The following ABTB2 variants were observed in gnomAD, a reference collection of about 807,000 sequenced individuals.
ABTB2 encodes the protein ankyrin repeat and BTB domain containing 2.
In ABTB2, 56 loss-of-function variants were observed where a neutral mutation model predicts 104.1. The observed-to-expected ratio is 0.54, with a 90% CI of 0.43 to 0.67. The LOEUF (loss-of-function observed/expected upper bound fraction) is 0.67. ABTB2 is among the 30% of genes least tolerant of loss of function. The pLI is 0.00. For missense variants in ABTB2, 1,279 were observed against 1,407.7 expected, an observed-to-expected ratio of 0.91 and a Z score of 1.46; for synonymous variants, 606 against 608.2, an observed-to-expected ratio of 1.00 and a Z score of 0.05.
chr11:34,354,404 G>A (rs1049940321), intron 1 of ABTB2, among the ~76,000 whole-genome samples: 2 of 151,294 alleles, frequency 1.3e-5, no homozygotes, highest in African/African-American at 4.9e-5. Flanking sequence ...CAGGAGGACT[G>A]CTGGAGCCCA....
intron 3 of ABTB2, among the ~76,000 whole-genome samples, chr11:34,193,269 C>G (rs1190583217): frequency 6.6e-6 from 1 of 152,222 alleles, no homozygotes; most frequent in Non-Finnish European, 1.5e-5. Context: ...TTAGACTCTG[C>G]CTTGTGCCTG....
rs559023695 is a variant in ABTB2 at position 34,277,192 on chromosome 11, G to A, written c.884-72502C>T. Among the ~76,000 whole-genome samples, 103 of 152,276 alleles carry A rather than the reference G, an allele frequency of 6.8e-4. No individual in the cohort carries two copies. The South Asian group carries it at 0.015, about 22-fold the overall frequency. On this transcript the variant is annotated intron_variant, in intron 1 of 16. Transcript: ENST00000435224. The stretch of plus-strand genomic sequence containing the variant: ...GCTGGGATTACAGGCGTAAGCCACC[G>A]TGCCCAGCCAGAAGTATGTATTTAA...
At chr11:34,221,251 G>A (rs904464507) in intron 1 of ABTB2, among the ~76,000 whole-genome samples, 5 of 152,112 alleles carry the variant, frequency 3.3e-5, no homozygotes, top group South Asian at 2.1e-4. Flanking sequence ...GATTATAGGC[G>A]TGAGCCACCA....
chr11:34,308,868 C>CAAAAAAAAAAAAAAAAAAAAAAAAAAAAA (rs57658114), intron 1 of ABTB2, among the ~76,000 whole-genome samples: 11 of 77,780 alleles, frequency 1.4e-4, no homozygotes, highest in East Asian at 7.4e-4. Context: ...GAAACTGTCT[C>CAAAAAAAAAAAAAAAAAAAAAAAAAAAAA]AAAAAAAAAA....
At chr11:34,156,065 C>T (rs1285948343) in intron 14 of ABTB2, among the ~76,000 whole-genome samples, 1 of 152,112 alleles carries the variant, frequency 6.6e-6, no homozygotes, top group African/African-American at 2.4e-5. Flanking sequence ...CTCAGGGCAG[C>T]CCCTAGGGCC....
intron 1 of ABTB2, among the ~76,000 whole-genome samples, chr11:34,353,591 C>T (rs566911445): frequency 6.6e-6 from 1 of 152,332 alleles, no homozygotes; most frequent in East Asian, 1.9e-4. Flanking sequence ...CTCTACGGAG[C>T]TGGGATCATG....
In ABTB2 at chr11:34,164,210, C is replaced by T. The variant is rs936406826; in HGVS notation, c.1988+476G>A. ...CCCTGACTTCAGCCTGCTGCTGTCCCGCCACACCCCTGGGCAGGCCTGGTC... is the reference window on the plus strand; with the variant it reads ...CCCTGACTTCAGCCTGCTGCTGTCCTGCCACACCCCTGGGCAGGCCTGGTC... On this transcript the variant is annotated intron_variant, in intron 9 of 16. Transcript: ENST00000435224. 6.6e-5 allele frequency among the ~76,000 whole-genome samples: 10 copies of T among 152,300 alleles called. No homozygotes were observed. In the East Asian group the frequency reaches 7.7e-4, roughly 12 times the overall value.
rs191694778 is a variant in ABTB2 at position 34,195,509 on chromosome 11, A to G, written c.1244+1816T>C. Among the ~76,000 whole-genome samples the G allele has an allele frequency of 2.6e-3, 389 of 152,316 alleles. 2 individuals carry two copies. Among genetic ancestry groups the G allele is most frequent in the Admixed American group, 7.1e-3 (108 of 15,300 alleles). ...CAACTCCCAGAGAAGTAAAACAATG[A>G]TGACATAAGGATACTAGTACTGATA... is the stretch of plus-strand genomic sequence containing the variant. On this transcript the variant is annotated intron_variant, in intron 3 of 16. Transcript: ENST00000435224.
intron 1 of ABTB2, among the ~76,000 whole-genome samples, chr11:34,262,785 A>G (rs1854203245): frequency 6.6e-6 from 1 of 152,134 alleles, no homozygotes; most frequent in South Asian, 2.1e-4. Context: ...CCAGGTCAAC[A>G]CCATCCTACT....
chr11:34,177,313 T>A (rs1852970233), intron 3 of ABTB2, among the ~76,000 whole-genome samples: 2 of 152,232 alleles, frequency 1.3e-5, no homozygotes, highest in African/African-American at 4.8e-5. Context: ...ATAGTCCTGG[T>A]GGGTATACAC....
chr11:34,284,868 G>T (rs138416068), intron 1 of ABTB2, among the ~76,000 whole-genome samples: 273 of 152,368 alleles, frequency 1.8e-3, no homozygotes, highest in African/African-American at 6.4e-3. Flanking sequence ...AGCCAGAGGG[G>T]TGTTAATGAG....
intron 1 of ABTB2, among the ~76,000 whole-genome samples, chr11:34,220,969 C>CTT (rs796101704): frequency 1.4e-5 from 2 of 143,110 alleles, no homozygotes. Context: ...GTGTCCTAAT[C>CTT]TTTTTTTTTT....
chr11:34,239,916 G>C (rs1431691762), intron 1 of ABTB2, among the ~76,000 whole-genome samples: 1 of 152,180 alleles, frequency 6.6e-6, no homozygotes, highest in Non-Finnish European at 1.5e-5. Flanking sequence ...CAAGGCATCT[G>C]TTTCCACAGA....
chr11:34,240,835 T>C (rs959222948), intron 1 of ABTB2, among the ~76,000 whole-genome samples: 2 of 152,170 alleles, frequency 1.3e-5, no homozygotes, highest in African/African-American at 4.8e-5. Context: ...CCTCAGATGA[T>C]CCGCCCGCCT....
intron 1 of ABTB2, among the ~76,000 whole-genome samples, chr11:34,227,161 C>T (rs1023681508): frequency 6.6e-6 from 1 of 151,846 alleles, no homozygotes; most frequent in Non-Finnish European, 1.5e-5. Context: ...GTAATCCCAG[C>T]TACTCAGGAG....
At chr11:34,185,140 T>A (rs1252418120) in intron 3 of ABTB2, among the ~76,000 whole-genome samples, 1 of 152,232 alleles carries the variant, frequency 6.6e-6, no homozygotes, top group African/African-American at 2.4e-5. Context: ...ACTCTCATAG[T>A]ATAAGGCAGA....
chr11:34,170,422 A>G (rs1318556488), intron 5 of ABTB2, among the ~76,000 whole-genome samples: 2 of 152,096 alleles, frequency 1.3e-5, no homozygotes, highest in Non-Finnish European at 2.9e-5. Context: ...CACATTTCCT[A>G]CCCATTTTCA....
rs1358152567 is a variant in ABTB2, at chr11:34,182,499, G to GC, written c.1245-9193_1245-9192insG. Reference sequence around the variant, plus strand: ...TTGAGGTGGGGCATTGGGTTCTCTGGGGGGGGGGGGAAATTCACTTTTCCT... The same window carrying GC: ...TTGAGGTGGGGCATTGGGTTCTCTGGCGGGGGGGGGGAAATTCACTTTTCCT... On this transcript the variant is annotated intron_variant, in intron 3 of 16. Transcript: ENST00000435224. 9.8e-4 allele frequency among the ~76,000 whole-genome samples: 133 copies of GC among 135,870 alleles called. 17 individuals carry two copies. Among genetic ancestry groups the GC allele is most frequent in the African/African-American group, 3.4e-3 (119 of 34,810 alleles). 89.1% of individuals were successfully genotyped at this position (135,870 alleles called of 152,430 possible).
At chr11:34,293,738 T>C (rs72638194) in intron 1 of ABTB2, among the ~76,000 whole-genome samples, 25,331 of 151,824 alleles carry the variant, frequency 0.17, 2,262 homozygotes, top group South Asian at 0.28. Flanking sequence ...TTTTTTTTTT[T>C]CCTCAAGATG....
Sources: allele counts gnomAD v4.1 joint callset (sites outside exome capture counted in the v4.1 genomes callset), GRCh38; gene constraint gnomAD v4.1.1; transcripts MANE v1.5; gene names NCBI Gene and HGNC (gene_info 2026-07-23, HGNC 2026-07-21).